SLC2A13: variants seen among roughly 807,000 people sequenced by gnomAD.
SLC2A13 encodes proton myo-inositol cotransporter.
Under a neutral mutation model 64.4 loss-of-function variants are expected in SLC2A13, and 32 were observed. The observed-to-expected ratio is 0.50, with a 90% confidence interval of 0.37 to 0.67. SLC2A13 has a LOEUF of 0.67. Ranked by LOEUF, SLC2A13 falls within the 30% of genes least tolerant of loss-of-function variation. The pLI, the probability that SLC2A13 is intolerant of heterozygous loss-of-function variation, is 0.00. For missense variants in SLC2A13, 743 were observed against 829.2 expected (o/e 0.90, Z 1.28); for synonymous variants, 338 against 327.1 (o/e 1.03, Z -0.36).
chr12:40,047,725 A>G (rs939874745), intron 2 of SLC2A13, among the ~76,000 whole-genome samples: 4 of 152,226 alleles, frequency 2.6e-5, no homozygotes, highest in Admixed American at 2.6e-4. Flanking sequence ...CTTGTCAATC[A>G]TTGTAGAATT....
chr12:40,043,968 T>C (rs745432806), intron 2 of SLC2A13, among the ~76,000 whole-genome samples: 1 of 152,196 alleles, frequency 6.6e-6, no homozygotes, highest in Non-Finnish European at 1.5e-5. Context: ...AGTTATCATA[T>C]GACCTAGCAA....
At chr12:39,852,453 A>T (rs1943495517) in intron 6 of SLC2A13, among the ~76,000 whole-genome samples, 1 of 152,226 alleles carries the variant, frequency 6.6e-6, no homozygotes, top group African/African-American at 2.4e-5. Flanking sequence ...TTAGTGTTTT[A>T]GCATTGCTTA....
Position 39,764,554 on chromosome 12 carries a change from A to G in SLC2A13, c.1626T>C (p.Ser542=). 1 of 1,611,616 alleles carries G rather than the reference A, an allele frequency of 6.2e-7. No homozygotes were observed. Among genetic ancestry groups the G allele is most frequent in the Admixed American group, 1.7e-5 (1 of 59,588 alleles). Residue 542 remains serine (S), a synonymous_variant, in exon 9 of 10, where the codon AGT becomes AGC. Coordinates refer to ENST00000280871, the MANE Select transcript of SLC2A13 (RefSeq NM_052885.4). ...TTCCAGATGAACATGCATTTCCTGT[A>G]CTTCTTGCCCAAAGGGGATATATTT... ...NSEIYPLWAR[S]TGNACSSGIN... is the part of the protein sequence containing the mutation.
At chr12:40,014,620 CAGCTGG>C (rs1414642648) in intron 3 of SLC2A13, among the ~76,000 whole-genome samples, 1 of 152,028 alleles carries the variant, frequency 6.6e-6, no homozygotes, top group Non-Finnish European at 1.5e-5. Flanking sequence ...GCCTCCCAAG[CAGCTGG>C]GATTACAGGC....
At chr12:40,057,407 G>C (rs768487163) in intron 1 of SLC2A13, among the ~76,000 whole-genome samples, 1 of 152,100 alleles carries the variant, frequency 6.6e-6, no homozygotes, top group South Asian at 2.1e-4. Flanking sequence ...TATGGGTGGG[G>C]CAGGAAGAAA....
intron 7 of SLC2A13, among the ~76,000 whole-genome samples, chr12:39,766,442 C>T (rs1940353086): frequency 6.6e-6 from 1 of 152,060 alleles, no homozygotes; most frequent in African/African-American, 2.4e-5. Context: ...GCACCTTTCA[C>T]AAGTCATCAT....
chr12:39,973,484 C>T (rs942223386), intron 3 of SLC2A13, among the ~76,000 whole-genome samples: 5 of 152,226 alleles, frequency 3.3e-5, no homozygotes, highest in Admixed American at 1.3e-4. Context: ...AATCTCATGA[C>T]TCCCAAATCA....
At position 40,105,196 on chromosome 12, in the gene SLC2A13, AG is replaced by A; in HGVS notation, c.556+56del. The A allele has an allele frequency of 6.8e-7, 1 of 1,464,602 alleles. No individual in the cohort carries two copies. The allele number at this position is 1,464,602 out of a possible 1,614,324, so 90.7% of individuals were successfully genotyped here. A position where few individuals can be genotyped will look rare whatever the true frequency, so the allele number is the denominator to read the frequency against. On this transcript the variant is annotated intron_variant, in intron 1 of 9. Coordinates refer to ENST00000280871, the MANE Select transcript of SLC2A13 (RefSeq NM_052885.4). The surrounding 1 kb of genome is among the most constrained non-coding windows in gnomAD (Gnocchi z 4.2). ...GATGGGCAAGAGGCACGCAACACCC[AG>A]GGTCAAGGGCGGTGACAATGGGATC...
intron 6 of SLC2A13, among the ~76,000 whole-genome samples, chr12:39,862,110 A>G (rs1412292290): frequency 1.3e-5 from 2 of 152,146 alleles, no homozygotes; most frequent in Non-Finnish European, 2.9e-5. Flanking sequence ...GTTCTGAAAG[A>G]CATTCTTTAA....
At chr12:40,097,006 CACTGTT>C (rs1446189052) in intron 1 of SLC2A13, among the ~76,000 whole-genome samples, 2 of 152,096 alleles carry the variant, frequency 1.3e-5, no homozygotes, top group African/African-American at 4.8e-5. Flanking sequence ...TAAATCTCAG[CACTGTT>C]ACTAACAGTG....
chr12:39,796,926 G>A (rs1026506986), intron 7 of SLC2A13, among the ~76,000 whole-genome samples: 6 of 152,170 alleles, frequency 3.9e-5, no homozygotes, highest in Non-Finnish European at 8.8e-5. Flanking sequence ...ATTAAAGAAT[G>A]TGGACATTAA....
intron 6 of SLC2A13, among the ~76,000 whole-genome samples, chr12:39,854,333 G>T (rs114872341): frequency 0.013 from 1,927 of 152,188 alleles, 56 homozygotes; most frequent in African/African-American, 0.044. Flanking sequence ...CTTGAATATT[G>T]TAAGAGCTTA....
chr12:39,956,797 T>C (rs1240752826), intron 3 of SLC2A13, among the ~76,000 whole-genome samples: 1 of 152,102 alleles, frequency 6.6e-6, no homozygotes, highest in Non-Finnish European at 1.5e-5. Flanking sequence ...ATATTAAAGT[T>C]AAGGAGGAAA....
At chr12:39,827,723 A>G (rs1462445715) in intron 7 of SLC2A13, among the ~76,000 whole-genome samples, 1 of 152,092 alleles carries the variant, frequency 6.6e-6, no homozygotes, top group Non-Finnish European at 1.5e-5. Flanking sequence ...AACAACATAG[A>G]TATAGAAAAC....
At chr12:39,980,268 A>C (rs1452981238) in intron 3 of SLC2A13, among the ~76,000 whole-genome samples, 2 of 152,196 alleles carry the variant, frequency 1.3e-5, no homozygotes, top group African/African-American at 4.8e-5. Flanking sequence ...GCATCAACTA[A>C]CAAGCAAAAT....
chr12:39,810,280 A>G (rs138600038), intron 7 of SLC2A13, among the ~76,000 whole-genome samples: 73 of 152,322 alleles, frequency 4.8e-4, no homozygotes, highest in African/African-American at 1.7e-3. Flanking sequence ...ATCTTTAAGA[A>G]TTTCATCTTT....
At chr12:40,023,581 T>C (rs1212122892) in intron 3 of SLC2A13, among the ~76,000 whole-genome samples, 1 of 152,184 alleles carries the variant, frequency 6.6e-6, no homozygotes, top group African/African-American at 2.4e-5. Flanking sequence ...GTCTCTTCTG[T>C]TGGTTGATTT....
intron 3 of SLC2A13, among the ~76,000 whole-genome samples, chr12:39,981,542 A>G (rs1170974238): frequency 1.3e-5 from 2 of 148,730 alleles, no homozygotes; most frequent in Non-Finnish European, 3.0e-5. Context: ...AGAATACTAC[A>G]AACACCTCTA....
intron 6 of SLC2A13, among the ~76,000 whole-genome samples, chr12:39,858,083 TC>T (rs1380844700): frequency 1.3e-4 from 20 of 152,228 alleles, no homozygotes; most frequent in African/African-American, 4.3e-4. Flanking sequence ...AAAGAATATG[TC>T]CCATAAATGG....
Sources: allele counts gnomAD v4.1 joint callset (sites outside exome capture counted in the v4.1 genomes callset), GRCh38; gene constraint gnomAD v4.1.1; non-coding constraint Gnocchi (gnomAD v3.1); transcripts MANE v1.5; gene names NCBI Gene and HGNC (gene_info 2026-07-23, HGNC 2026-07-21).